The following IGF1R variants were observed in gnomAD, a reference collection of about 807,000 sequenced individuals.
IGF1R encodes the protein insulin-like growth factor 1 receptor.
A neutral mutation model predicts 144.6 loss-of-function variants in IGF1R; 44 were observed. That is an observed-to-expected ratio of 0.30 (90% confidence interval 0.24 to 0.39). The LOEUF (loss-of-function observed/expected upper bound fraction) is 0.39. Ranked by LOEUF, IGF1R falls within the 10% of genes least tolerant of loss-of-function variation. The pLI, the probability that IGF1R is intolerant of heterozygous loss-of-function variation, is 1.00. For missense variants in IGF1R, 1,355 were observed against 1,833.7 expected (o/e 0.74, Z 4.77); for synonymous variants, 795 against 722.8 (o/e 1.10, Z -1.60).
intron 2 of IGF1R, among the ~76,000 whole-genome samples, chr15:98,763,794 A>T (rs909945076): frequency 2.2e-4 from 34 of 152,204 alleles, no homozygotes; most frequent in African/African-American, 7.7e-4. Flanking sequence ...CTTCCAAATG[A>T]GTGGGTTGTC....
intron 2 of IGF1R, among the ~76,000 whole-genome samples, chr15:98,788,068 G>GTA (rs1174326961): frequency 6.8e-6 from 1 of 146,980 alleles, no homozygotes; most frequent in Non-Finnish European, 1.5e-5. Context: ...CTCTCTGTGT[G>GTA]TGTGTGTGTG....
At chr15:98,953,979 G>A (rs577693930) in intron 20 of IGF1R, among the ~76,000 whole-genome samples, 10 of 152,244 alleles carry the variant, frequency 6.6e-5, no homozygotes, top group East Asian at 3.9e-4. Context: ...TTCCTAAGAC[G>A]ACCCTTACTG....
chr15:98,944,080 G>A (rs1185926278), intron 19 of IGF1R, among the ~76,000 whole-genome samples: 2 of 152,162 alleles, frequency 1.3e-5, no homozygotes, highest in African/African-American at 2.4e-5. Flanking sequence ...TGCTCTGCAT[G>A]GTGTTTAGAG....
chr15:98,799,290 A>C (rs1357808782), intron 2 of IGF1R, among the ~76,000 whole-genome samples: 6 of 152,108 alleles, frequency 3.9e-5, no homozygotes, highest in Non-Finnish European at 8.8e-5. Flanking sequence ...ATTCATAGAA[A>C]ACCCACAGAG....
At chr15:98,729,162 T>G (rs1442671908) in intron 2 of IGF1R, among the ~76,000 whole-genome samples, 1 of 152,124 alleles carries the variant, frequency 6.6e-6, no homozygotes, top group Non-Finnish European at 1.5e-5. Context: ...TTCCAAAGAG[T>G]GGAATTCTCA....
intron 1 of IGF1R, among the ~76,000 whole-genome samples, chr15:98,700,709 C>T (rs2053709741): frequency 6.6e-6 from 1 of 152,074 alleles, no homozygotes; most frequent in African/African-American, 2.4e-5. Context: ...CTGGGATTCC[C>T]CCAGCTGCCA....
chr15:98,779,791 A>C, intron 2 of IGF1R, among the ~76,000 whole-genome samples: 1 of 152,214 alleles, frequency 6.6e-6, no homozygotes, highest in East Asian at 1.9e-4. Flanking sequence ...AGTAGAGGGC[A>C]CACGAGAGCA....
chr15:98,823,557 C>T (rs1019301010), intron 2 of IGF1R, among the ~76,000 whole-genome samples: 4 of 152,326 alleles, frequency 2.6e-5, no homozygotes, highest in South Asian at 2.1e-4. Flanking sequence ...TTTTGCTCTA[C>T]CAGTACGGCC....
intron 2 of IGF1R, among the ~76,000 whole-genome samples, chr15:98,804,961 G>T (rs2056441101): frequency 6.6e-6 from 1 of 152,168 alleles, no homozygotes; most frequent in Non-Finnish European, 1.5e-5. Flanking sequence ...CTCCCAAAGT[G>T]CTGGGATTAC....
At chr15:98,679,941 TAAAAAGTTAAAAA>T (rs1384280014) in intron 1 of IGF1R, among the ~76,000 whole-genome samples, 1 of 150,606 alleles carries the variant, frequency 6.6e-6, no homozygotes, top group African/African-American at 2.4e-5. Context: ...CAAAAAAGTT[TAAAAAGTTAAAAA>T]AAAAAGTTAA....
chr15:98,767,737 C>T (rs2055470498), intron 2 of IGF1R, among the ~76,000 whole-genome samples: 1 of 152,144 alleles, frequency 6.6e-6, no homozygotes, highest in Admixed American at 6.5e-5. Context: ...AAACTTTCCA[C>T]TTGAACCCAT....
At chr15:98,806,843 T>A (rs1261297194) in intron 2 of IGF1R, among the ~76,000 whole-genome samples, 2 of 152,154 alleles carry the variant, frequency 1.3e-5, no homozygotes, top group South Asian at 4.1e-4. Flanking sequence ...ACCCTAAGCC[T>A]AACGTGATCA....
At chr15:98,759,428 C>T (rs975160842) in intron 2 of IGF1R, among the ~76,000 whole-genome samples, 5 of 152,162 alleles carry the variant, frequency 3.3e-5, no homozygotes, top group African/African-American at 7.2e-5. Context: ...ATGTTAGTGC[C>T]GAAGCACTTC....
intron 20 of IGF1R, chr15:98,952,953 TTGTC>T (rs1256057919): frequency 1.3e-5 from 2 of 152,200 alleles, no homozygotes; most frequent in Non-Finnish European, 2.9e-5. Flanking sequence ...GAGTGTCATG[TTGTC>T]CTTCTGAGTT....
At position 98,916,685 on chromosome 15, in the gene IGF1R, C is replaced by G. The variant is rs1225643101; in HGVS notation, c.2010C>G (p.Ile670Met). ...TTTTCCGAGAAGACAAAATCCCCAT[C>G]AGGAAGTATGCCGACGGCACCATCG... is the stretch of plus-strand genomic sequence containing the variant. Reference protein sequence around the residue: ...HNYCSKDKIPIRKYADGTIDI... With the variant: ...HNYCSKDKIPMRKYADGTIDI... The change falls in exon 10 of 21, where the codon ATC (isoleucine) becomes ATG (methionine). Residue 670 changes from isoleucine to methionine, a missense_variant. By Grantham distance (10) the Ile-to-Met change is conservative. Coordinates refer to ENST00000650285, the MANE Select transcript of IGF1R (RefSeq NM_000875.5). 6.2e-7 allele frequency: 1 copy of G among 1,614,076 alleles called. No homozygotes were observed. Among genetic ancestry groups the G allele is most frequent in the South Asian group, 1.1e-5 (1 of 91,062 alleles).
intron 19 of IGF1R, among the ~76,000 whole-genome samples, chr15:98,943,683 G>GA (rs1274769065): frequency 6.6e-6 from 1 of 152,252 alleles, no homozygotes; most frequent in Non-Finnish European, 1.5e-5. Context: ...ACATTGCAGA[G>GA]AGGCAGTCAG....
chr15:98,738,999 C>T (rs187585591), intron 2 of IGF1R, among the ~76,000 whole-genome samples: 5 of 151,634 alleles, frequency 3.3e-5, no homozygotes. Context: ...GAACAAAACT[C>T]AAGAGGTCTG....
intron 2 of IGF1R, among the ~76,000 whole-genome samples, chr15:98,824,013 A>G (rs2056847288): frequency 6.6e-6 from 1 of 152,244 alleles, no homozygotes; most frequent in Admixed American, 6.5e-5. Flanking sequence ...TGGTTCAAAC[A>G]AAACTGAAAC....
chr15:98,769,452 C>T (rs118005659), intron 2 of IGF1R, among the ~76,000 whole-genome samples: 1 of 152,246 alleles, frequency 6.6e-6, no homozygotes, highest in East Asian at 1.9e-4. Flanking sequence ...TCAGCTGCTC[C>T]CAGGGGCCTT....
Sources: allele counts gnomAD v4.1 joint callset (sites outside exome capture counted in the v4.1 genomes callset), GRCh38; gene constraint gnomAD v4.1.1; transcripts MANE v1.5; gene names NCBI Gene and HGNC (gene_info 2026-07-23, HGNC 2026-07-21).